The following BICC1 variants were observed in gnomAD, a reference collection of about 807,000 sequenced individuals.
The protein encoded by BICC1 is protein bicaudal C homolog 1.
Under a neutral mutation model 111.0 loss-of-function variants are expected in BICC1, and 43 were observed. That is an observed-to-expected ratio of 0.39 (90% CI 0.30 to 0.50). BICC1 has a LOEUF of 0.50. BICC1 is among the 20% of genes least tolerant of loss of function. The probability of loss-of-function intolerance (pLI) is 0.88; values close to 1 mark genes in which losing one functional copy is unlikely to be tolerated. For missense variants in BICC1, 1,091 were observed against 1,203.2 expected (o/e 0.91, Z 1.38); for synonymous variants, 467 against 434.4 (o/e 1.07, Z -0.93).
intron 3 of BICC1, among the ~76,000 whole-genome samples, chr10:58,712,902 C>T (rs1233428168): frequency 6.6e-6 from 1 of 152,098 alleles, no homozygotes; most frequent in Non-Finnish European, 1.5e-5. Context: ...GTACTTTCCA[C>T]TTGATTTTGC....
intron 1 of BICC1, among the ~76,000 whole-genome samples, chr10:58,525,456 G>A (rs1242678381): frequency 8.4e-6 from 1 of 119,506 alleles, no homozygotes; most frequent in Non-Finnish European, 1.9e-5. Flanking sequence ...GCAAACTATC[G>A]CAAGGACAGA....
At chr10:58,539,661 C>A (rs1218513158) in intron 1 of BICC1, among the ~76,000 whole-genome samples, 3 of 151,726 alleles carry the variant, frequency 2.0e-5, no homozygotes, top group Admixed American at 2.0e-4. Flanking sequence ...CAAACATGGA[C>A]AAAATTGAAG....
At chr10:58,635,593 T>A (rs1381869099) in intron 2 of BICC1, among the ~76,000 whole-genome samples, 1 of 152,236 alleles carries the variant, frequency 6.6e-6, no homozygotes, top group Non-Finnish European at 1.5e-5. Flanking sequence ...GTTACCTTTT[T>A]ATATCCATGC....
chr10:58,537,740 C>T (rs1230005828), intron 1 of BICC1, among the ~76,000 whole-genome samples: 1 of 151,632 alleles, frequency 6.6e-6, no homozygotes, highest in Non-Finnish European at 1.5e-5. Context: ...ACCCTGACTC[C>T]TCCAAAGAAT....
chr10:58,641,134 T>G (rs1410590743), intron 2 of BICC1, among the ~76,000 whole-genome samples: 2 of 152,244 alleles, frequency 1.3e-5, no homozygotes, highest in East Asian at 3.8e-4. Flanking sequence ...TCATTTGATG[T>G]ATTATTCCAT....
At chr10:58,659,962 T>C (rs968431363) in intron 2 of BICC1, among the ~76,000 whole-genome samples, 13 of 152,192 alleles carry the variant, frequency 8.5e-5, no homozygotes, top group Non-Finnish European at 1.9e-4. Context: ...GAGGTAGTTT[T>C]GTGTGGTTCT....
chr10:58,629,758 A>G (rs535664359), intron 2 of BICC1, among the ~76,000 whole-genome samples: 68 of 152,196 alleles, frequency 4.5e-4, no homozygotes, highest in Non-Finnish European at 7.8e-4. Flanking sequence ...GAGTTTGGGA[A>G]TCTTTCTGGT....
intron 7 of BICC1, 98 bp downstream of exon 7, chr10:58,789,554 T>C (rs1295140166): frequency 6.6e-7 from 1 of 1,508,992 alleles, no homozygotes; most frequent in Admixed American, 2.0e-5. Flanking sequence ...AGAATTTTCC[T>C]TCGTTCTACA....
intron 1 of BICC1, among the ~76,000 whole-genome samples, chr10:58,579,348 T>C (rs1378439520): frequency 6.6e-6 from 1 of 152,232 alleles, no homozygotes; most frequent in Non-Finnish European, 1.5e-5. Flanking sequence ...AAATTAAATA[T>C]AAGTAATTAT....
chr10:58,734,633 G>T (rs1478404481), intron 3 of BICC1, among the ~76,000 whole-genome samples: 33 of 152,102 alleles, frequency 2.2e-4, no homozygotes, highest in Non-Finnish European at 7.3e-5. Context: ...CAGGAAATTG[G>T]TGGTAATCTT....
At chr10:58,773,321 G>T (rs985502296) in intron 3 of BICC1, among the ~76,000 whole-genome samples, 3 of 152,134 alleles carry the variant, frequency 2.0e-5, no homozygotes, top group Non-Finnish European at 4.4e-5. Context: ...ACACTTTCTC[G>T]TTAAAAGAAG....
intron 8 of BICC1, among the ~76,000 whole-genome samples, chr10:58,790,854 TA>T (rs1356037822): frequency 1.3e-5 from 2 of 152,224 alleles, no homozygotes; most frequent in African/African-American, 4.8e-5. Flanking sequence ...TATGGGTTGA[TA>T]ATGTAGTAAC....
chr10:58,789,801 C>T lies in BICC1; in HGVS notation c.915C>T (p.Ser305=). The change falls in exon 8 of 21, where the codon AGC becomes AGT. Residue 305 remains serine (S), a synonymous_variant. Coordinates refer to ENST00000373886, the MANE Select transcript of BICC1 (RefSeq NM_001080512.3). ...TCTTTATGATGGGTCGAAATGGGAG[C>T]AACATCAAACATATCATGCAGAGAA... is the stretch of plus-strand genomic sequence containing the variant. ...HHLFMMGRNG[S]NIKHIMQRTG... The T allele has an allele frequency of 2.5e-6, 4 of 1,614,050 alleles. No individual in the cohort carries two copies. The highest frequency in any genetic ancestry group is 3.4e-6 in the Non-Finnish European group (4 of 1,180,014).
intron 1 of BICC1, among the ~76,000 whole-genome samples, chr10:58,614,441 C>A (rs910773027): frequency 3.9e-5 from 6 of 152,186 alleles, no homozygotes; most frequent in African/African-American, 1.4e-4. Flanking sequence ...TTTAGAATTT[C>A]TTGCACACAA....
chr10:58,694,818 A>G (rs1840022494), intron 2 of BICC1, among the ~76,000 whole-genome samples: 1 of 152,050 alleles, frequency 6.6e-6, no homozygotes, highest in South Asian at 2.1e-4. Context: ...GGAAATAGCC[A>G]CTCTGCTGCT....
At chr10:58,512,560 A>T (rs1842113802), upstream of BICC1, among the ~76,000 whole-genome samples, 1 of 152,124 alleles carries the variant, frequency 6.6e-6, no homozygotes, top group Non-Finnish European at 1.5e-5. Context: ...GTAAGTGCAG[A>T]AAAGTAGTAG....
chr10:58,669,249 G>A (rs565138379), intron 2 of BICC1, among the ~76,000 whole-genome samples: 79 of 151,842 alleles, frequency 5.2e-4, no homozygotes, highest in African/African-American at 1.7e-3. Flanking sequence ...TCATGTAAGC[G>A]CACAAAAAGT....
At chr10:58,773,041 A>G (rs751232918) in intron 3 of BICC1, among the ~76,000 whole-genome samples, 18 of 152,214 alleles carry the variant, frequency 1.2e-4, no homozygotes, top group Non-Finnish European at 2.4e-4. Context: ...GCGTGATTAT[A>G]TGATTAAAAT....
At chr10:58,790,049 A>G (rs1456770646) in intron 8 of BICC1, 116 bp downstream of exon 8, 8 of 1,176,184 alleles carry the variant, frequency 6.8e-6, no homozygotes, top group African/African-American at 1.5e-5. Flanking sequence ...AGCCTCGTCA[A>G]ATAAGGAAGT....
Sources: allele counts gnomAD v4.1 joint callset (sites outside exome capture counted in the v4.1 genomes callset), GRCh38; gene constraint gnomAD v4.1.1; transcripts MANE v1.5; gene names NCBI Gene and HGNC (gene_info 2026-07-23, HGNC 2026-07-21).